Variants in MARK2 observed in about 807,000 individuals in gnomAD.
MARK2 encodes serine/threonine-protein kinase MARK2.
Under a neutral mutation model 89.8 loss-of-function variants are expected in MARK2, and 16 were observed. The observed-to-expected ratio is 0.18, with a 90% CI of 0.12 to 0.27. The LOEUF (loss-of-function observed/expected upper bound fraction) is 0.27. Ranked by LOEUF, MARK2 falls within the 10% of genes least tolerant of loss-of-function variation. The pLI is 1.00. For synonymous variants in MARK2, 382 were observed against 399.5 expected (o/e 0.96, Z 0.52); for missense variants, 621 against 1,049.9 (o/e 0.59, Z 5.65).
At chr11:63,857,306 A>G (rs2016915318) in intron 1 of MARK2, among the ~76,000 whole-genome samples, 1 of 152,118 alleles carries the variant, frequency 6.6e-6, no homozygotes, top group Non-Finnish European at 1.5e-5. Context: ...AGCTGGGATT[A>G]TAGGCACTTG....
intron 1 of MARK2, among the ~76,000 whole-genome samples, chr11:63,889,576 C>T (rs1412760673): frequency 3.3e-5 from 5 of 152,198 alleles, no homozygotes; most frequent in Non-Finnish European, 4.4e-5. Context: ...ACACCTAGGC[C>T]GAGTCTGAGA....
At chr11:63,908,610 A>T (rs1941540818) in intron 18 of MARK2, among the ~76,000 whole-genome samples, 1 of 152,080 alleles carries the variant, frequency 6.6e-6, no homozygotes, top group African/African-American at 2.4e-5. Context: ...CTGGAGAGAG[A>T]GTCTGTGCTC....
rs556726338 is a variant in MARK2, at chr11:63,895,576, T to G, written c.235-4T>G. On this transcript the variant is annotated splice_region_variant and splice_polypyrimidine_tract_variant and intron_variant, in intron 2 of 18. Coordinates refer to ENST00000402010, the MANE Select transcript of MARK2 (RefSeq NM_001039469.3). ...GATTTGGGGCCTTTTTGTCTCATCC[T>G]CAGGTAGCTGTGAAGATCATTGACA... 50 of 1,613,198 alleles carry G rather than the reference T, an allele frequency of 3.1e-5. 1 individual carries two copies. The South Asian group carries it at 4.5e-4, about 15-fold the overall frequency.
At chr11:63,883,422 G>C (rs2135294585) in intron 1 of MARK2, among the ~76,000 whole-genome samples, 1 of 152,302 alleles carries the variant, frequency 6.6e-6, no homozygotes, top group Admixed American at 6.5e-5. Context: ...GGTACTTACA[G>C]TCAAATTTCT....
At chr11:63,877,624 G>C (rs1938846128) in intron 1 of MARK2, among the ~76,000 whole-genome samples, 1 of 151,838 alleles carries the variant, frequency 6.6e-6, no homozygotes, top group Non-Finnish European at 1.5e-5. Context: ...ACCTGAGCCT[G>C]GGGAGGTCGA....
chr11:63,890,074 A>G (rs1939712329), intron 1 of MARK2: 2 of 389,040 alleles, frequency 5.1e-6, no homozygotes, highest in South Asian at 3.9e-5. Context: ...CTCTCTCCAT[A>G]TTAGCCACTG....
At chr11:63,883,228 T>C (rs1939203172) in intron 1 of MARK2, among the ~76,000 whole-genome samples, 1 of 152,168 alleles carries the variant, frequency 6.6e-6, no homozygotes, top group Non-Finnish European at 1.5e-5. Flanking sequence ...ACCACTGTCG[T>C]CATCCTCTGG....
At chr11:63,864,948 G>C (rs1303649711) in intron 1 of MARK2, among the ~76,000 whole-genome samples, 3 of 152,064 alleles carry the variant, frequency 2.0e-5, no homozygotes, top group African/African-American at 7.2e-5. Flanking sequence ...CCAGGCTGCT[G>C]TAGTACAGTG....
At chr11:63,869,187 G>T in intron 1 of MARK2, 1 of 221,666 alleles carries the variant, frequency 4.5e-6, no homozygotes, top group Non-Finnish European at 9.3e-6. Context: ...TGGTCTGCCT[G>T]TATCTGCCTC....
intron 1 of MARK2, among the ~76,000 whole-genome samples, chr11:63,856,212 C>T (rs532542448): frequency 3.9e-5 from 6 of 151,934 alleles, no homozygotes; most frequent in African/African-American, 1.4e-4. Context: ...GTTTGCAGTC[C>T]TTCTGGTTCC....
At chr11:63,888,633 A>T (rs748792682) in intron 1 of MARK2, 35 of 1,155,006 alleles carry the variant, frequency 3.0e-5, no homozygotes, top group Non-Finnish European at 3.7e-5. Context: ...CCTGACCACC[A>T]GGCTCTGGCC....
chr11:63,909,090 G>A lies in MARK2; in HGVS notation c.2220G>A (p.Pro740=), dbSNP rs320107. ...TGCTGCTGTGCATGCACGGCACGCCGGGCCACGAGGACTTCGTGCAGTGGG... is the reference window on the plus strand; with the variant it reads ...TGCTGCTGTGCATGCACGGCACGCCAGGCCACGAGGACTTCGTGCAGTGGG... ...KYMLLCMHGT[P]GHEDFVQWEM... The change falls in exon 19 of 19, where the codon CCG becomes CCA. Residue 740 remains proline, a synonymous_variant. Coordinates refer to ENST00000402010, the MANE Select transcript of MARK2 (RefSeq NM_001039469.3). 3,773 of 1,613,690 alleles carry A rather than the reference G, an allele frequency of 2.3e-3. 61 individuals carry two copies. The African/African-American group carries it at 0.039, about 17-fold the overall frequency.
At chr11:63,874,788 C>T (rs142239764) in intron 1 of MARK2, among the ~76,000 whole-genome samples, 186 of 152,268 alleles carry the variant, frequency 1.2e-3, no homozygotes, top group African/African-American at 4.1e-3. Context: ...TTAGATACCA[C>T]GGTCACTTGA....
intron 1 of MARK2, among the ~76,000 whole-genome samples, chr11:63,880,843 C>CA (rs1331831447): frequency 1.3e-5 from 2 of 152,254 alleles, no homozygotes; most frequent in African/African-American, 4.8e-5. Flanking sequence ...TCATTACCCT[C>CA]ATGGGTATTT....
chr11:63,896,890 C>T (rs982932785), intron 3 of MARK2, among the ~76,000 whole-genome samples: 3 of 152,150 alleles, frequency 2.0e-5, no homozygotes, highest in Non-Finnish European at 4.4e-5. Flanking sequence ...GCCAGTCCAC[C>T]AAGCCATCTT....
intron 1 of MARK2, among the ~76,000 whole-genome samples, chr11:63,878,334 T>A (rs1260371416): frequency 2.0e-5 from 3 of 150,046 alleles, no homozygotes; most frequent in East Asian, 2.0e-4. Flanking sequence ...CTACCCCAAA[T>A]GCTTTGAAGC....
chr11:63,873,719 C>T lies in MARK2; in HGVS notation c.55-21440C>T, dbSNP rs372598135. Among the ~76,000 whole-genome samples, 217 of 152,268 alleles carry T rather than the reference C, an allele frequency of 1.4e-3. 1 individual carries two copies. Among genetic ancestry groups the T allele is most frequent in the African/African-American group, 4.9e-3 (204 of 41,528 alleles). ...GGAGTGCAGTGGCGCGATCTCGGCTCGCTGCAACCTCCACACCCCAGATTA... is the reference window on the plus strand; with the variant it reads ...GGAGTGCAGTGGCGCGATCTCGGCTTGCTGCAACCTCCACACCCCAGATTA... On this transcript the variant is annotated intron_variant, in intron 1 of 18. Coordinates refer to ENST00000402010, the MANE Select transcript of MARK2 (RefSeq NM_001039469.3).
intron 1 of MARK2, among the ~76,000 whole-genome samples, chr11:63,843,995 G>T (rs1002248903): frequency 6.6e-6 from 1 of 152,148 alleles, no homozygotes; most frequent in Non-Finnish European, 1.5e-5. Context: ...TCTGTCCTTT[G>T]ATTCTGGCCA....
intron 1 of MARK2, among the ~76,000 whole-genome samples, chr11:63,862,092 A>G (rs900977749): frequency 1.3e-5 from 2 of 151,338 alleles, no homozygotes; most frequent in Non-Finnish European, 2.9e-5. Context: ...CCCGGCTAAT[A>G]TTTTGTATTT....
Sources: allele counts gnomAD v4.1 joint callset (sites outside exome capture counted in the v4.1 genomes callset), GRCh38; gene constraint gnomAD v4.1.1; transcripts MANE v1.5; gene names NCBI Gene and HGNC (gene_info 2026-07-23, HGNC 2026-07-21).